The following ESR1 variants were observed in gnomAD, a reference collection of about 807,000 sequenced individuals.
ESR1 encodes the protein estrogen receptor 1.
ESR1 carries 12 observed loss-of-function variants against 52.7 expected under a neutral mutation model. The observed-to-expected ratio is 0.23, with a 90% confidence interval of 0.15 to 0.37. The LOEUF (loss-of-function observed/expected upper bound fraction) is 0.37. Among genes scored for constraint, ESR1 ranks in the 10% least tolerant of loss-of-function variants. The pLI is 1.00. For missense variants in ESR1, 584 were observed against 779.7 expected, an observed-to-expected ratio of 0.75 and a Z score of 2.99; for synonymous variants, 305 against 316.8, an observed-to-expected ratio of 0.96 and a Z score of 0.39.
At chr6:151,738,855 T>C (rs1053803936) in intron 2 of ESR1, among the ~76,000 whole-genome samples, 2 of 152,148 alleles carry the variant, frequency 1.3e-5, no homozygotes, top group Non-Finnish European at 2.9e-5. Context: ...AATGACTAAT[T>C]AGCTTTATAT....
intron 6 of ESR1, among the ~76,000 whole-genome samples, chr6:152,069,986 A>G (rs1270412424): frequency 7.3e-6 from 1 of 137,554 alleles, no homozygotes; most frequent in Non-Finnish European, 1.5e-5. Flanking sequence ...GATGAGTAGG[A>G]TTAGCTGGAG....
chr6:152,064,657 T>C (rs2047820898), intron 6 of ESR1, among the ~76,000 whole-genome samples: 2 of 152,224 alleles, frequency 1.3e-5, no homozygotes, highest in South Asian at 4.1e-4. Context: ...AAAGTTAACC[T>C]GGATTTTTCT....
At chr6:151,956,815 TATATAA>T (rs1562593881) in intron 4 of ESR1, among the ~76,000 whole-genome samples, 7 of 72,758 alleles carry the variant, frequency 9.6e-5, no homozygotes, top group South Asian at 3.3e-4. Context: ...AATATAAATA[TATATAA>T]AAATATATAT....
chr6:151,924,333 G>A (rs764245319), intron 3 of ESR1, among the ~76,000 whole-genome samples: 37 of 152,232 alleles, frequency 2.4e-4, no homozygotes, highest in African/African-American at 3.1e-4. Flanking sequence ...AAGCCACGGC[G>A]TCCGGCCTGC....
chr6:152,002,050 A>T (rs1196961902), intron 4 of ESR1, among the ~76,000 whole-genome samples: 1 of 151,872 alleles, frequency 6.6e-6, no homozygotes, highest in East Asian at 1.9e-4. Context: ...TACCTTGTAA[A>T]ACTCCCGTTT....
rs944686951 is a variant in ESR1, at chr6:152,085,673, G to A, written c.1370-8712G>A. On this transcript the variant is annotated intron_variant, in intron 6 of 7. Transcript: ENST00000206249. ...GACACTAGACCTCTCACAAAGTGGCGAGGGCTCCAGAAGCAAGTGTCCCAG... is the reference window on the plus strand; with the variant it reads ...GACACTAGACCTCTCACAAAGTGGCAAGGGCTCCAGAAGCAAGTGTCCCAG... 7.2e-5 allele frequency among the ~76,000 whole-genome samples: 11 copies of A among 152,038 alleles called. 1 individual carries two copies. The highest frequency in any genetic ancestry group is 7.2e-4 in the Admixed American group (11 of 15,266).
At chr6:151,889,021 C>T (rs548147203) in intron 3 of ESR1, among the ~76,000 whole-genome samples, 3 of 152,194 alleles carry the variant, frequency 2.0e-5, no homozygotes, top group South Asian at 2.1e-4. Context: ...AAATCCCACT[C>T]GATCATGGTG....
intron 4 of ESR1, among the ~76,000 whole-genome samples, chr6:152,002,296 G>A (rs1270917004): frequency 1.3e-5 from 2 of 151,682 alleles, no homozygotes; most frequent in African/African-American, 4.8e-5. Flanking sequence ...GTGGAGATGG[G>A]AGGAAGCTAT....
At chr6:151,706,019 G>A (rs1780158499) in intron 2 of ESR1, among the ~76,000 whole-genome samples, 1 of 152,142 alleles carries the variant, frequency 6.6e-6, no homozygotes, top group Admixed American at 6.5e-5. Context: ...AGAATTTTCT[G>A]TACAGTCTGA....
intron 2 of ESR1, among the ~76,000 whole-genome samples, chr6:151,872,947 C>G (rs986917109): frequency 6.6e-6 from 1 of 152,104 alleles, no homozygotes; most frequent in African/African-American, 2.4e-5. Flanking sequence ...TTGGTGTGGT[C>G]TTAGTAAGTA....
chr6:151,804,138 G>A (rs1162326825), upstream of ESR1, among the ~76,000 whole-genome samples: 4 of 152,172 alleles, frequency 2.6e-5, no homozygotes, highest in Non-Finnish European at 4.4e-5. Flanking sequence ...AGTCGGCGTA[G>A]CACAGTATAC....
chr6:151,977,214 A>G (rs929726516), intron 4 of ESR1, among the ~76,000 whole-genome samples: 1 of 152,088 alleles, frequency 6.6e-6, no homozygotes, highest in Non-Finnish European at 1.5e-5. Flanking sequence ...CTGGCATGTA[A>G]TCCAGCCAAA....
At chr6:151,746,965 AG>A (rs1279045059) in intron 2 of ESR1, among the ~76,000 whole-genome samples, 3 of 152,256 alleles carry the variant, frequency 2.0e-5, no homozygotes, top group Non-Finnish European at 4.4e-5. Flanking sequence ...GACATCTGGC[AG>A]GGAGGAAAAG....
intron 1 of ESR1, among the ~76,000 whole-genome samples, chr6:151,824,107 G>A (rs1467932764): frequency 2.0e-5 from 3 of 151,930 alleles, no homozygotes; most frequent in East Asian, 1.9e-4. Context: ...AAGTGTTCCT[G>A]TTTCTCCACA....
At chr6:151,682,769 C>CTTATGT (rs1778507406) in intron 1 of ESR1, among the ~76,000 whole-genome samples, 1 of 152,146 alleles carries the variant, frequency 6.6e-6, no homozygotes. Context: ...CAGAAAAATG[C>CTTATGT]ACATATTCTT....
intron 3 of ESR1, among the ~76,000 whole-genome samples, chr6:151,883,205 C>T (rs1329058843): frequency 6.6e-6 from 1 of 151,788 alleles, no homozygotes; most frequent in Non-Finnish European, 1.5e-5. Flanking sequence ...CTGAAACCTT[C>T]ACCTCCCAGG....
At chr6:151,798,638 G>A (rs1776938703) in intron 2 of ESR1, among the ~76,000 whole-genome samples, 2 of 152,150 alleles carry the variant, frequency 1.3e-5, no homozygotes, top group Non-Finnish European at 2.9e-5. Flanking sequence ...TCACAGAATA[G>A]TTTCCCCAAT....
intron 1 of ESR1, among the ~76,000 whole-genome samples, chr6:151,669,147 G>GGT (rs1554231683): frequency 7.8e-4 from 54 of 69,286 alleles, no homozygotes; most frequent in Non-Finnish European, 1.0e-3. Context: ...TTGGGAGCTG[G>GGT]GAGAGAGAGA....
chr6:152,124,478 C>T lies in ESR1; in HGVS notation c.851-788C>T, dbSNP rs558989405. 4.6e-5 allele frequency among the ~76,000 whole-genome samples: 7 copies of T among 152,336 alleles called. No individual in the cohort carries two copies. In the South Asian group the frequency reaches 1.4e-3, roughly 32 times the overall value. On this transcript the variant is annotated intron_variant, in intron 6 of 6. Transcript: ENST00000427531. ...GGGTAATGTAACCTTGAACAACTCA[C>T]TTCATCTCTAGGTGTCAACCTCTTC...
Sources: allele counts gnomAD v4.1 joint callset (sites outside exome capture counted in the v4.1 genomes callset), GRCh38; gene constraint gnomAD v4.1.1; transcripts MANE v1.5; gene names NCBI Gene and HGNC (gene_info 2026-07-23, HGNC 2026-07-21).